The following ZNF469 variants were observed in gnomAD, a reference collection of about 807,000 sequenced individuals.
The protein encoded by ZNF469 is zinc finger protein 469.
A neutral mutation model predicts 1.0 loss-of-function variants in ZNF469; 1 was observed. The observed-to-expected ratio is 1.00, with a 90% confidence interval of 0.35 to 4.73. ZNF469 has a LOEUF of 4.73. Among genes scored for constraint, ZNF469 ranks in the 30% most tolerant of loss-of-function variants. The pLI is 0.16. For missense variants in ZNF469, 6,100 were observed against 5,356.3 expected, an observed-to-expected ratio of 1.14 and a Z score of -4.33; for synonymous variants, 2,703 against 2,363.4, an observed-to-expected ratio of 1.14 and a Z score of -4.17.
In ZNF469 at chr16:88,439,113, G is replaced by T; in HGVS notation, c.11643G>T (p.Glu3881Asp). Residue 3881 changes from glutamate (E) to aspartate (D), a missense_variant, in exon 3 of 3, where the codon GAG becomes GAT. Glu to Asp is a conservative substitution (Grantham distance 45). Coordinates refer to ENST00000565624, the MANE Select transcript of ZNF469 (RefSeq NM_001367624.2). ...CACCATCAGAGCAGCGGAAGGCAGAGCCGGGCCACACACAGAGGAAGGACA... is the reference window on the plus strand; with the variant it reads ...CACCATCAGAGCAGCGGAAGGCAGATCCGGGCCACACACAGAGGAAGGACA... ...RPPPSEQRKA[E>D]PGHTQRKDRL... 3 of 1,550,980 alleles carry T rather than the reference G, an allele frequency of 1.9e-6. No homozygotes were observed. Among genetic ancestry groups the T allele is most frequent in the Non-Finnish European group, 1.7e-6 (2 of 1,146,984 alleles).
chr16:88,115,747 G>A, the ZNF469 span, among the ~76,000 whole-genome samples: 1 of 151,534 alleles, frequency 6.6e-6, no homozygotes, highest in Non-Finnish European at 1.5e-5. Flanking sequence ...GGGGCTCTGG[G>A]TCCTTCCAGC....
chr16:88,124,774 G>T, the ZNF469 span, among the ~76,000 whole-genome samples: 1 of 152,104 alleles, frequency 6.6e-6, no homozygotes, highest in Non-Finnish European at 1.5e-5. Flanking sequence ...AGTAGAGACG[G>T]GGTTTCTCCA....
At chr16:88,416,333 C>T (rs1476192221) in intron 1 of ZNF469, among the ~76,000 whole-genome samples, 1 of 152,190 alleles carries the variant, frequency 6.6e-6, no homozygotes, top group African/African-American at 2.4e-5. Flanking sequence ...GGTGGCTGCT[C>T]GAAGTTCACT....
At chr16:88,145,388 T>A in the ZNF469 span, among the ~76,000 whole-genome samples, 1 of 152,204 alleles carries the variant, frequency 6.6e-6, no homozygotes, top group African/African-American at 2.4e-5. Context: ...CACTGGGCTA[T>A]TGGTGGCAAA....
In ZNF469 at chr16:88,433,688, C is replaced by A; in HGVS notation, c.6218C>A (p.Ala2073Asp). ...TCCCTGGCGCTGGCCTTGACAGCAG[C>A]CCACAGCCGAAGTGGATCTGAGGGC... ...RESLALALTA[A>D]HSRSGSEGRT... The change falls in exon 3 of 3, where the codon GCC (alanine) becomes GAC (aspartate). Residue 2073 changes from alanine (A) to aspartate (D), a missense_variant. Transcript: ENST00000565624. 7 of 1,549,524 alleles carry A rather than the reference C, an allele frequency of 4.5e-6. No homozygotes were observed. Among genetic ancestry groups the A allele is most frequent in the Non-Finnish European group, 6.1e-6 (7 of 1,146,682 alleles).
chr16:88,110,581 C>T, the ZNF469 span, among the ~76,000 whole-genome samples: 1 of 152,262 alleles, frequency 6.6e-6, no homozygotes, highest in African/African-American at 2.4e-5. Context: ...ACTTCAGGCC[C>T]GTCTCTGCCT....
the ZNF469 span, among the ~76,000 whole-genome samples, chr16:88,245,693 C>G: frequency 1.3e-5 from 2 of 152,278 alleles, no homozygotes. Flanking sequence ...GCTCATGAGT[C>G]AAGACTCCCC....
At position 88,427,370 on chromosome 16, in the gene ZNF469, G is replaced by A. The variant is rs184639832; in HGVS notation, c.-101G>A. On this transcript the variant is annotated 5_prime_UTR_variant, in exon 3 of 3. Transcript: ENST00000565624. ...GCTCCACTCAGGACCATGAGCGCAG[G>A]CTTCCCTGGGGCCCATCGAGGGCTG... 465 of 1,236,974 alleles carry A rather than the reference G, an allele frequency of 3.8e-4. 4 individuals carry two copies. Among genetic ancestry groups the A allele is most frequent in the Non-Finnish European group, 2.0e-5 (18 of 923,058 alleles). 76.6% of individuals were successfully genotyped at this position (1,236,974 alleles called of 1,614,324 possible). A position where few individuals can be genotyped will look rare whatever the true frequency, so the allele number is the denominator to read the frequency against.
the ZNF469 span, among the ~76,000 whole-genome samples, chr16:88,206,164 G>A: frequency 6.6e-6 from 1 of 152,202 alleles, no homozygotes; most frequent in African/African-American, 2.4e-5. Context: ...GCCCGGAGAC[G>A]GCACCCAGGA....
At chr16:88,365,973 A>G in the ZNF469 span, among the ~76,000 whole-genome samples, 1 of 152,218 alleles carries the variant, frequency 6.6e-6, no homozygotes, top group Non-Finnish European at 1.5e-5. Context: ...AATCTGCAAC[A>G]TTCTGGTGTT....
chr16:88,378,066 C>T (rs956439294), upstream of ZNF469, among the ~76,000 whole-genome samples: 2 of 152,108 alleles, frequency 1.3e-5, no homozygotes, highest in African/African-American at 2.4e-5. Context: ...GTCCAACTGT[C>T]CTAGACGCCC....
At chr16:88,122,192 C>T in the ZNF469 span, among the ~76,000 whole-genome samples, 4 of 146,814 alleles carry the variant, frequency 2.7e-5, no homozygotes, top group African/African-American at 5.0e-5. Context: ...GATTGCATCC[C>T]GTCACTCAAT....
At chr16:88,122,775 CTGTGTGTATATATA>C in the ZNF469 span, among the ~76,000 whole-genome samples, 3 of 151,154 alleles carry the variant, frequency 2.0e-5, no homozygotes, top group East Asian at 3.9e-4. Context: ...ATTCTTAGCT[CTGTGTGTATATATA>C]TGTGTATATA....
At chr16:88,109,701 C>A in the ZNF469 span, among the ~76,000 whole-genome samples, 1 of 150,790 alleles carries the variant, frequency 6.6e-6, no homozygotes, top group East Asian at 2.0e-4. Context: ...GCGTCTGTGT[C>A]CACGCTGTCT....
the ZNF469 span, among the ~76,000 whole-genome samples, chr16:88,377,417 G>A: frequency 6.6e-6 from 1 of 152,214 alleles, no homozygotes; most frequent in Admixed American, 6.5e-5. Flanking sequence ...TGTATGGCCT[G>A]CAGTGGGGGT....
At chr16:88,138,234 A>G in the ZNF469 span, among the ~76,000 whole-genome samples, 4 of 152,182 alleles carry the variant, frequency 2.6e-5, no homozygotes, top group Non-Finnish European at 4.4e-5. Context: ...ATCATTACTC[A>G]CTGGCAAGAG....
At chr16:88,384,153 CCT>C (rs1271443651) in intron 1 of ZNF469, among the ~76,000 whole-genome samples, 1 of 152,250 alleles carries the variant, frequency 6.6e-6, no homozygotes, top group East Asian at 1.9e-4. Context: ...CACGTTTAAT[CCT>C]TACGTCCTGA....
Position 88,430,536 on chromosome 16 carries a change from C to G in ZNF469, c.3066C>G (p.Thr1022=), listed in dbSNP as rs980682662. 4 of 1,465,124 alleles carry G rather than the reference C, an allele frequency of 2.7e-6. No homozygotes were observed. The African/African-American group carries it at 5.9e-5, about 22-fold the overall frequency. The allele number at this position is 1,465,124 out of a possible 1,614,324, so 90.8% of individuals were successfully genotyped here. The change falls in exon 3 of 3, where the codon ACC becomes ACG. Residue 1022 remains threonine, a synonymous_variant. Transcript: ENST00000565624. ...VPRAAALPEE[T]RSSRRRRLPP... is the part of the protein sequence containing the mutation. ...GAGCCGCCGCCCTCCCCGAGGAGAC[C>G]CGCAGCTCCCGGCGCCGCCGGCTGC...
the ZNF469 span, among the ~76,000 whole-genome samples, chr16:88,109,368 C>A: frequency 6.6e-6 from 1 of 152,242 alleles, no homozygotes; most frequent in African/African-American, 2.4e-5. Context: ...GGAGCCTCTG[C>A]ACCTCCTCCC....
Sources: allele counts gnomAD v4.1 joint callset (sites outside exome capture counted in the v4.1 genomes callset), GRCh38; gene constraint gnomAD v4.1.1; transcripts MANE v1.5; gene names NCBI Gene and HGNC (gene_info 2026-07-23, HGNC 2026-07-21).